KYNU: variants seen among roughly 807,000 people sequenced by gnomAD.
KYNU encodes L-kynurenine hydrolase.
A neutral mutation model predicts 59.2 loss-of-function variants in KYNU; 54 were observed. The ratio of observed to expected loss-of-function variants is 0.91; its 90% CI spans 0.73 to 1.14. KYNU has a LOEUF of 1.14. KYNU is among the 50% of genes most tolerant of loss of function. KYNU has a pLI of 0.00. For missense variants in KYNU, 567 were observed against 554.4 expected (o/e 1.02, Z -0.23); for synonymous variants, 177 against 192.0 (o/e 0.92, Z 0.65).
intron 2 of KYNU, among the ~76,000 whole-genome samples, chr2:142,914,897 A>C (rs369987875): frequency 6.6e-6 from 1 of 152,160 alleles, no homozygotes; most frequent in East Asian, 1.9e-4. Context: ...TGGTGGACCC[A>C]GTTTCTAATG....
At chr2:142,888,186 G>A (rs1266057398) in intron 2 of KYNU, among the ~76,000 whole-genome samples, 2 of 152,142 alleles carry the variant, frequency 1.3e-5, no homozygotes, top group Admixed American at 6.5e-5. Flanking sequence ...TGCTGGACAC[G>A]GTGGCTCACA....
intron 2 of KYNU, among the ~76,000 whole-genome samples, chr2:142,914,465 G>GA (rs1325966019): frequency 6.6e-6 from 1 of 152,178 alleles, no homozygotes; most frequent in South Asian, 2.1e-4. Flanking sequence ...CTGTTTTCCA[G>GA]ATTGGAAAAC....
In KYNU at chr2:142,885,441, CGGATGAGAGGGT is replaced by C; in HGVS notation, c.77_88del (p.Asp26_Val29del). ...GCGGCTGAACTCAAATGCCACCCAA[CGGATGAGAGGGT>C]GGCTCTCCACCTAGATGAGGAAGAT... On this transcript the variant is annotated inframe_deletion, in exon 2 of 14. Transcript: ENST00000264170. 1 of 1,613,538 alleles carries C rather than the reference CGGATGAGAGGGT, an allele frequency of 6.2e-7. No homozygotes were observed. The highest frequency in any genetic ancestry group is 8.5e-7 in the Non-Finnish European group (1 of 1,179,514).
Position 142,936,186 on chromosome 2 carries a change from G to A in KYNU, c.373+8445G>A, listed in dbSNP as rs150303066. Among the ~76,000 whole-genome samples, 301 of 152,220 alleles carry A rather than the reference G, an allele frequency of 2.0e-3. 1 individual carries two copies. Among genetic ancestry groups the A allele is most frequent in the South Asian group, 0.01 (50 of 4,828 alleles). Reference sequence around the variant, plus strand: ...CAGGTAAACAAGAATTGTAGAGGTCGGGCTGTGATCTGAGTGCAAAAAACG... The same window carrying A: ...CAGGTAAACAAGAATTGTAGAGGTCAGGCTGTGATCTGAGTGCAAAAAACG... On this transcript the variant is annotated intron_variant, in intron 4 of 13. Transcript: ENST00000264170.
At chr2:142,988,957 T>C in intron 10 of KYNU, 1 of 1,384,474 alleles carries the variant, frequency 7.2e-7, no homozygotes, top group Middle Eastern at 1.8e-4. Flanking sequence ...AATGTTTTGC[T>C]GAAACTTAAC....
intron 2 of KYNU, among the ~76,000 whole-genome samples, chr2:142,888,730 G>A (rs1326421184): frequency 6.6e-6 from 1 of 151,370 alleles, no homozygotes; most frequent in African/African-American, 2.4e-5. Context: ...CTATTCTCAC[G>A]CCAGTTGCAT....
At chr2:143,012,928 T>C (rs993377653) in intron 10 of KYNU, among the ~76,000 whole-genome samples, 4 of 152,198 alleles carry the variant, frequency 2.6e-5, no homozygotes, top group Non-Finnish European at 5.9e-5. Flanking sequence ...TTTTTTTAGA[T>C]TTCATACATA....
intron 4 of KYNU, among the ~76,000 whole-genome samples, chr2:142,949,918 C>G (rs1683931840): frequency 1.3e-5 from 2 of 152,200 alleles, no homozygotes; most frequent in Non-Finnish European, 2.9e-5. Context: ...ATGCCTTTAA[C>G]AGTACCCAAG....
At chr2:143,015,089 C>G (rs1686211120) in intron 10 of KYNU, among the ~76,000 whole-genome samples, 1 of 152,066 alleles carries the variant, frequency 6.6e-6, no homozygotes, top group Admixed American at 6.5e-5. Flanking sequence ...ACAGATCTTC[C>G]TATGTTGTGG....
At chr2:142,910,862 T>C (rs1382935676) in intron 2 of KYNU, among the ~76,000 whole-genome samples, 1 of 152,204 alleles carries the variant, frequency 6.6e-6, no homozygotes, top group Non-Finnish European at 1.5e-5. Context: ...GTCAACTTTG[T>C]TAAAGATTAG....
intron 8 of KYNU, among the ~76,000 whole-genome samples, chr2:142,984,270 T>G (rs1408249734): frequency 6.6e-6 from 1 of 152,084 alleles, no homozygotes; most frequent in Non-Finnish European, 1.5e-5. Flanking sequence ...TTAGAAATTA[T>G]GTATTACTAC....
chr2:143,028,189 C>T (rs1016924260), intron 10 of KYNU, among the ~76,000 whole-genome samples: 9 of 149,576 alleles, frequency 6.0e-5, no homozygotes, highest in African/African-American at 1.7e-4. Flanking sequence ...TATACACACA[C>T]GTATGTGATT....
chr2:142,982,883 C>T, intron 8 of KYNU, among the ~76,000 whole-genome samples: 1 of 151,998 alleles, frequency 6.6e-6, no homozygotes. Flanking sequence ...TGATCCAAGC[C>T]TCCATCTTGT....
intron 2 of KYNU, among the ~76,000 whole-genome samples, chr2:142,892,731 A>C (rs1681754251): frequency 6.6e-6 from 1 of 152,222 alleles, no homozygotes; most frequent in Non-Finnish European, 1.5e-5. Context: ...TTAGGTGAAT[A>C]GTGGTGATAT....
chr2:142,888,858 G>A (rs765471821), intron 2 of KYNU, among the ~76,000 whole-genome samples: 2 of 148,814 alleles, frequency 1.3e-5, no homozygotes, highest in African/African-American at 2.5e-5. Context: ...ATACTTGAAC[G>A]TGTATCTAGT....
intron 8 of KYNU, among the ~76,000 whole-genome samples, chr2:142,973,936 G>A (rs886538917): frequency 1.3e-5 from 2 of 152,152 alleles, no homozygotes; most frequent in South Asian, 4.1e-4. Context: ...ATTCACTAAG[G>A]TGTCTTAGAA....
At chr2:142,902,416 A>G (rs1473924836) in intron 2 of KYNU, among the ~76,000 whole-genome samples, 3 of 152,152 alleles carry the variant, frequency 2.0e-5, no homozygotes, top group South Asian at 2.1e-4. Flanking sequence ...ATTTTACTAA[A>G]TGGGTATTGG....
In KYNU at chr2:143,042,879, C is replaced by G. The variant is rs141389671; in HGVS notation, c.*707C>G. On this transcript the variant is annotated 3_prime_UTR_variant, in exon 14 of 14. Transcript: ENST00000264170. ...TACAGTCACCATTGGCCATCTTTCTCGTTACCATCTATGAAATTAGCATGC... is the reference window on the plus strand; with the variant it reads ...TACAGTCACCATTGGCCATCTTTCTGGTTACCATCTATGAAATTAGCATGC... The G allele has an allele frequency of 4.6e-5, 7 of 151,566 alleles. No individual in the cohort carries two copies. Among genetic ancestry groups the G allele is most frequent in the Admixed American group, 2.6e-4 (4 of 15,126 alleles). 9.4% of individuals were successfully genotyped at this position (151,566 alleles called of 1,614,324 possible).
At chr2:142,898,965 C>A (rs114975336) in intron 2 of KYNU, among the ~76,000 whole-genome samples, 5 of 152,132 alleles carry the variant, frequency 3.3e-5, no homozygotes. Flanking sequence ...GAAATGGGCA[C>A]CTTGCTGGAT....
Sources: allele counts gnomAD v4.1 joint callset (sites outside exome capture counted in the v4.1 genomes callset), GRCh38; gene constraint gnomAD v4.1.1; transcripts MANE v1.5; gene names NCBI Gene and HGNC (gene_info 2026-07-23, HGNC 2026-07-21).